The following PDE6A variants were observed in gnomAD, a reference collection of about 807,000 sequenced individuals.
PDE6A encodes phosphodiesterase 6A, also known as rod cGMP-specific 3',5'-cyclic phosphodiesterase subunit alpha.
Under a neutral mutation model 106.3 loss-of-function variants are expected in PDE6A, and 84 were observed. The observed-to-expected ratio is 0.79, with a 90% CI of 0.66 to 0.95. The LOEUF (loss-of-function observed/expected upper bound fraction) is 0.95. Among genes scored for constraint, PDE6A ranks in the 40% least tolerant of loss-of-function variants. The pLI is 0.00. For synonymous variants in PDE6A, 394 were observed against 386.6 expected (o/e 1.02, Z -0.23); for missense variants, 1,052 against 1,084.9 (o/e 0.97, Z 0.43).
intron 3 of PDE6A, among the ~76,000 whole-genome samples, chr5:149,933,698 C>A (rs1273553601): frequency 2.6e-5 from 4 of 152,194 alleles, no homozygotes; most frequent in Non-Finnish European, 5.9e-5. Context: ...GGTCTTAGAG[C>A]TAGGCAGTGG....
chr5:149,875,348 C>T (rs1760700072), intron 17 of PDE6A, among the ~76,000 whole-genome samples: 1 of 152,098 alleles, frequency 6.6e-6, no homozygotes, highest in Non-Finnish European at 1.5e-5. Context: ...ACAGGTCTCC[C>T]AATATTTTTC....
chr5:149,927,778 C>G (rs930733135), intron 4 of PDE6A, among the ~76,000 whole-genome samples: 4 of 151,700 alleles, frequency 2.6e-5, no homozygotes, highest in African/African-American at 9.7e-5. Flanking sequence ...TGAATCAGAA[C>G]AAAAATATTT....
intron 8 of PDE6A, among the ~76,000 whole-genome samples, chr5:149,900,375 G>GTGTGTATATATATATATATATATA (rs371287292): frequency 3.6e-5 from 3 of 82,582 alleles, no homozygotes; most frequent in African/African-American, 1.1e-4. Flanking sequence ...AAATATATAT[G>GTGTGTATATATATATATATATATA]TATATATATA....
At chr5:149,929,606 C>CAAAAAATAAAAA (rs1299460311) in intron 4 of PDE6A, among the ~76,000 whole-genome samples, 1 of 71,446 alleles carries the variant, frequency 1.4e-5, no homozygotes, top group African/African-American at 5.2e-5. Flanking sequence ...GACTCCGTCT[C>CAAAAAATAAAAA]AAAAAATAAA....
chr5:149,858,132 T>C lies in PDE6A; in HGVS notation c.*2763A>G. ...AAAAGAGACTTCAGAAACTTAACCATGGCTATGTGAGGTGATGGATATATT... is the reference window on the plus strand; with the variant it reads ...AAAAGAGACTTCAGAAACTTAACCACGGCTATGTGAGGTGATGGATATATT... On this transcript the variant is annotated 3_prime_UTR_variant, in exon 22 of 22. Coordinates refer to ENST00000255266, the MANE Select transcript of PDE6A (RefSeq NM_000440.3). 1 of 152,232 alleles carries C rather than the reference T, an allele frequency of 6.6e-6. No individual in the cohort carries two copies. The highest frequency in any genetic ancestry group is 1.9e-4 in the East Asian group (1 of 5,200). The allele number at this position is 152,232 out of a possible 1,614,324, so 9.4% of individuals were successfully genotyped here. A position where few individuals can be genotyped will look rare whatever the true frequency, so the allele number is the denominator to read the frequency against.
rs770854350 is a variant in PDE6A, at chr5:149,944,518, CG to C, written c.155del (p.Pro52ArgfsTer31). 2 of 1,614,084 alleles carry C rather than the reference CG, an allele frequency of 1.2e-6. No individual in the cohort carries two copies. The highest frequency in any genetic ancestry group is 1.7e-6 in the Non-Finnish European group (2 of 1,180,000). On this transcript the variant is annotated frameshift_variant, in exon 1 of 22. Transcript: ENST00000255266. LOFTEE classifies it high-confidence loss of function. Reference protein sequence around the residue: ...AAVDFSNYHSPSSMEESEIIF... With the variant: ...AAVDFSNYHSXSSMEESEIIF... Reference sequence around the variant, plus strand: ...TGATTTCGCTCTCCTCCATGCTGCTCGGGGAGTGGTAGTTGCTGAAGTCCAC... The same window carrying C: ...TGATTTCGCTCTCCTCCATGCTGCTCGGGAGTGGTAGTTGCTGAAGTCCAC...
In PDE6A at chr5:149,896,726, C is replaced by T. The variant is rs750669009; in HGVS notation, c.1458G>A (p.Glu486=). 6.2e-7 allele frequency: 1 copy of T among 1,614,180 alleles called. No homozygotes were observed. The highest frequency in any genetic ancestry group is 1.1e-5 in the South Asian group (1 of 91,082). Residue 486 remains glutamate (E), a synonymous_variant, in exon 11 of 22, where the codon GAG becomes GAA. Coordinates refer to ENST00000255266, the MANE Select transcript of PDE6A (RefSeq NM_000440.3). ...TTCAGCTCACCAGGATCTCAGCCAGCTCCTCTTCCTCACACTCCCATGGCT... is the reference window on the plus strand; with the variant it reads ...TTCAGCTCACCAGGATCTCAGCCAGTTCCTCTTCCTCACACTCCCATGGCT... ...GKEPWECEEE[E]LAEILQAELP...
chr5:149,874,582 T>C (rs749796483), intron 17 of PDE6A, among the ~76,000 whole-genome samples: 6 of 152,174 alleles, frequency 3.9e-5, no homozygotes, highest in Non-Finnish European at 8.8e-5. Context: ...CACAGAAGCA[T>C]GATTGATTAA....
At chr5:149,895,999 T>C (rs941042836) in intron 12 of PDE6A, among the ~76,000 whole-genome samples, 3 of 152,136 alleles carry the variant, frequency 2.0e-5, no homozygotes, top group Non-Finnish European at 4.4e-5. Flanking sequence ...CAAACCTTAG[T>C]AAGGAATCCT....
chr5:149,884,965 T>C (rs1205798494), intron 14 of PDE6A, 98 bp from the exon 15 acceptor site: 1 of 958,554 alleles, frequency 1.0e-6, no homozygotes, highest in Non-Finnish European at 1.7e-6. Context: ...TCTCCACAAG[T>C]GATTCCGAGT....
At chr5:149,930,145 G>T (rs1168500049) in intron 4 of PDE6A, among the ~76,000 whole-genome samples, 1 of 152,170 alleles carries the variant, frequency 6.6e-6, no homozygotes, top group Non-Finnish European at 1.5e-5. Flanking sequence ...GTAAAAAATG[G>T]CAGACTATCA....
chr5:149,894,629 A>ATTTTTTTTTT (rs10657525), intron 13 of PDE6A, among the ~76,000 whole-genome samples: 1 of 113,050 alleles, frequency 8.8e-6, no homozygotes, highest in African/African-American at 3.6e-5. Context: ...GAACTGTTGA[A>ATTTTTTTTTT]TTTTTTTTTT....
At chr5:149,923,662 C>A (rs1415530951) in intron 4 of PDE6A, among the ~76,000 whole-genome samples, 1 of 152,174 alleles carries the variant, frequency 6.6e-6, no homozygotes, top group Non-Finnish European at 1.5e-5. Context: ...CACAGTCATG[C>A]AGCCTCAGGA....
intron 7 of PDE6A, among the ~76,000 whole-genome samples, chr5:149,906,299 G>A (rs1274364612): frequency 1.3e-5 from 2 of 151,650 alleles, no homozygotes; most frequent in African/African-American, 4.8e-5. Context: ...GTTGAGGCAG[G>A]TGGATCACTT....
chr5:149,921,250 A>G (rs1581201818), intron 5 of PDE6A, among the ~76,000 whole-genome samples: 1 of 152,212 alleles, frequency 6.6e-6, no homozygotes, highest in East Asian at 1.9e-4. Flanking sequence ...TGAAACCCCA[A>G]TAAGATATTA....
At chr5:149,932,755 G>A in intron 3 of PDE6A, 2 of 1,121,744 alleles carry the variant, frequency 1.8e-6, no homozygotes, top group Non-Finnish European at 2.6e-6. Context: ...CGGCTTCTGT[G>A]CTTCATATTA....
Position 149,880,031 on chromosome 5 carries a change from C to T in PDE6A, c.2135+3398G>A, listed in dbSNP as rs150467796. ...CTTAAGTTCATCCCATTGATCTGAA[C>T]GACTTCTCCTGCCTAGGACAGAACT... On this transcript the variant is annotated intron_variant, in intron 17 of 21. Coordinates refer to ENST00000255266, the MANE Select transcript of PDE6A (RefSeq NM_000440.3). Among the ~76,000 whole-genome samples, 410 of 152,296 alleles carry T rather than the reference C, an allele frequency of 2.7e-3. 7 individuals are homozygous for T. In the South Asian group the frequency reaches 0.048, roughly 18 times the overall value.
In PDE6A at chr5:149,896,474, T is replaced by C; in HGVS notation, c.1502A>G (p.Tyr501Cys). The C allele has an allele frequency of 6.2e-7, 1 of 1,614,124 alleles. No homozygotes were observed. Among genetic ancestry groups the C allele is most frequent in the Non-Finnish European group, 8.5e-7 (1 of 1,179,970 alleles). Residue 501 changes from tyrosine (Y) to cysteine (C), a missense_variant, in exon 12 of 22, where the codon TAC (tyrosine) becomes TGC (cysteine). Transcript: ENST00000255266. ...LQAELPDADKYEINKFHFSDL... is the reference protein window; with the variant it reads ...LQAELPDADKCEINKFHFSDL... ...ACTGAAGTGAAATTTATTAATTTCGTATTTATCTGCATCTGGCAGCTCCGC... is the reference window on the plus strand; with the variant it reads ...ACTGAAGTGAAATTTATTAATTTCGCATTTATCTGCATCTGGCAGCTCCGC...
intron 4 of PDE6A, among the ~76,000 whole-genome samples, chr5:149,927,335 G>A (rs1264996490): frequency 2.0e-5 from 3 of 152,118 alleles, no homozygotes; most frequent in Non-Finnish European, 2.9e-5. Flanking sequence ...ATTACTGTAC[G>A]CTACTATAGA....
Sources: gnomAD v4.1 joint callset for allele counts (sites outside exome capture counted in the v4.1 genomes callset) on GRCh38, gnomAD v4.1.1 for gene constraint, MANE v1.5 for transcripts, NCBI Gene and HGNC (gene_info 2026-07-23, HGNC 2026-07-21) for gene names.